The following DNM2 variants were observed in gnomAD, a reference collection of about 807,000 sequenced individuals.
The protein encoded by DNM2 is dynamin 2, also known as dynamin-2.
In DNM2, 15 loss-of-function variants were observed where a neutral mutation model predicts 99.0. The ratio of observed to expected loss-of-function variants is 0.15; its 90% CI spans 0.10 to 0.23. The LOEUF is 0.23. Among genes scored for constraint, DNM2 ranks in the 10% least tolerant of loss-of-function variants. The probability of loss-of-function intolerance (pLI) is 1.00; values close to 1 mark genes in which losing one functional copy is unlikely to be tolerated. For synonymous variants in DNM2, 525 were observed against 481.2 expected, an observed-to-expected ratio of 1.09 and a Z score of -1.19; for missense variants, 742 against 1,189.4, an observed-to-expected ratio of 0.62 and a Z score of 5.53.
At chr19:10,726,390 C>T (rs1048653915) in intron 1 of DNM2, among the ~76,000 whole-genome samples, 1 of 152,034 alleles carries the variant, frequency 6.6e-6, no homozygotes, top group Admixed American at 6.6e-5. Flanking sequence ...AGAGAAGGAA[C>T]TCATCATTAC....
intron 1 of DNM2, among the ~76,000 whole-genome samples, chr19:10,737,089 A>C (rs2069556543): frequency 6.6e-6 from 1 of 152,102 alleles, no homozygotes; most frequent in South Asian, 2.1e-4. Context: ...TTGAGGCTGA[A>C]GTGAGCTGTG....
intron 1 of DNM2, 58 bp downstream of exon 1, chr19:10,718,461 C>T (rs2068824773): frequency 3.8e-6 from 5 of 1,313,804 alleles, no homozygotes; most frequent in East Asian, 3.1e-5. Context: ...GGAGGGCGGA[C>T]CGGGAATGGC....
chr19:10,807,407 T>C (rs2146086741), intron 13 of DNM2, among the ~76,000 whole-genome samples: 1 of 151,878 alleles, frequency 6.6e-6, no homozygotes, highest in African/African-American at 2.4e-5. Flanking sequence ...GCCCAGCTAA[T>C]TTTTTTGTAT....
chr19:10,811,704 C>G lies in DNM2; in HGVS notation c.1558-560C>G, dbSNP rs781563537. 5.8e-6 allele frequency: 3 copies of G among 518,062 alleles called. No individual in the cohort carries two copies. Among genetic ancestry groups the G allele is most frequent in the Non-Finnish European group, 1.2e-5 (3 of 259,580 alleles). 32.1% of individuals were successfully genotyped at this position (518,062 alleles called of 1,614,324 possible). A position where few individuals can be genotyped will look rare whatever the true frequency, so the allele number is the denominator to read the frequency against. On this transcript the variant is annotated intron_variant, in intron 14 of 20. Coordinates refer to ENST00000389253, the MANE Select transcript of DNM2 (RefSeq NM_001005361.3). The surrounding 1 kb of genome is among the most constrained non-coding windows in gnomAD (Gnocchi z 5.4). The stretch of plus-strand genomic sequence containing the variant: ...GCGCAGGCCTGGGTTCTGACCCCCA[C>G]GCAGATGACAGCTACAGCCACACAA...
At chr19:10,753,811 C>T (rs897364086) in intron 1 of DNM2, among the ~76,000 whole-genome samples, 1 of 151,886 alleles carries the variant, frequency 6.6e-6, no homozygotes, top group Non-Finnish European at 1.5e-5. Context: ...CACCCACCAC[C>T]ACGCCTGGCT....
Position 10,764,540 on chromosome 19 carries a change from C to T in DNM2, c.235+4729C>T, listed in dbSNP as rs1237580877. On this transcript the variant is annotated intron_variant, in intron 2 of 20. Coordinates refer to ENST00000389253, the MANE Select transcript of DNM2 (RefSeq NM_001005361.3). The surrounding 1 kb of genome is among the most constrained non-coding windows in gnomAD (Gnocchi z 4.1). ...TAAACTCTGAGTGCCTGGGACTGTT[C>T]CTGTGTGGAATGTGCACAGTGAGGC... Among the ~76,000 whole-genome samples the T allele has an allele frequency of 2.0e-5, 3 of 152,214 alleles. No homozygotes were observed. The highest frequency in any genetic ancestry group is 4.4e-5 in the Non-Finnish European group (3 of 68,032).
At chr19:10,739,589 G>A (rs1033089112) in intron 1 of DNM2, among the ~76,000 whole-genome samples, 3 of 151,910 alleles carry the variant, frequency 2.0e-5, no homozygotes, top group African/African-American at 4.8e-5. Flanking sequence ...GTGCAGTGGC[G>A]CACGCCTGTA....
rs75670806 is a variant in DNM2 at position 10,822,114 on chromosome 19, G to A, written c.1782-1674G>A. Reference sequence around the variant, plus strand: ...GGGCCTGGCCTGTAGACCACCATCTGCAAGCACTGTTTAGCATCCATTCCA... The same window carrying A: ...GGGCCTGGCCTGTAGACCACCATCTACAAGCACTGTTTAGCATCCATTCCA... On this transcript the variant is annotated intron_variant, in intron 16 of 20. Coordinates refer to ENST00000389253, the MANE Select transcript of DNM2 (RefSeq NM_001005361.3). 9.2e-3 allele frequency among the ~76,000 whole-genome samples: 1,402 copies of A among 152,282 alleles called. 14 individuals carry two copies. Among genetic ancestry groups the A allele is most frequent in the African/African-American group, 0.032 (1,348 of 41,544 alleles).
chr19:10,728,387 C>A (rs986457207), intron 1 of DNM2, among the ~76,000 whole-genome samples: 1 of 152,130 alleles, frequency 6.6e-6, no homozygotes, highest in Admixed American at 6.6e-5. Flanking sequence ...GATGTGGGCC[C>A]TCTAGAGCCA....
chr19:10,761,221 T>A (rs1243323734), intron 2 of DNM2, among the ~76,000 whole-genome samples: 1 of 152,066 alleles, frequency 6.6e-6, no homozygotes, highest in Non-Finnish European at 1.5e-5. Context: ...TCTCTTGACC[T>A]CGTGATCCGC....
chr19:10,742,690 A>C (rs891287524), intron 1 of DNM2, among the ~76,000 whole-genome samples: 1 of 151,940 alleles, frequency 6.6e-6, no homozygotes, highest in Non-Finnish European at 1.5e-5. Context: ...GGTGACCGGG[A>C]TGGTGCCTGG....
intron 1 of DNM2, among the ~76,000 whole-genome samples, chr19:10,746,480 A>T (rs940607009): frequency 6.6e-6 from 1 of 150,578 alleles, no homozygotes; most frequent in Non-Finnish European, 1.5e-5. Context: ...CAGGAGTGTA[A>T]TGGTGTGATC....
In DNM2 at chr19:10,791,391, C is replaced by G. The variant is rs528235421; in HGVS notation, c.993-2329C>G. 3.5e-4 allele frequency among the ~76,000 whole-genome samples: 53 copies of G among 152,274 alleles called. No individual in the cohort carries two copies. The South Asian group carries it at 3.7e-3, about 11-fold the overall frequency. ...GAGTGCACCACCATGCCCAGCCCAA[C>G]TCCCCCTTTTTATAAGGACACCAGT... On this transcript the variant is annotated intron_variant, in intron 7 of 20. Coordinates refer to ENST00000389253, the MANE Select transcript of DNM2 (RefSeq NM_001005361.3).
In DNM2 at chr19:10,782,955, C is replaced by A. The variant is rs1271368765; in HGVS notation, c.689-5C>A. Reference sequence around the variant, plus strand: ...TGCCCCTGACCTGACTGCCTCTCCCCACAGGCTACATTGGCGTGGTGAACC... The same window carrying A: ...TGCCCCTGACCTGACTGCCTCTCCCAACAGGCTACATTGGCGTGGTGAACC... On this transcript the variant is annotated splice_region_variant and splice_polypyrimidine_tract_variant and intron_variant, in intron 5 of 20. Transcript: ENST00000389253. The A allele has an allele frequency of 6.2e-7, 1 of 1,614,080 alleles. No homozygotes were observed. Among genetic ancestry groups the A allele is most frequent in the South Asian group, 1.1e-5 (1 of 91,086 alleles).
At chr19:10,771,389 C>T (rs1469196054) in intron 2 of DNM2, among the ~76,000 whole-genome samples, 6 of 152,092 alleles carry the variant, frequency 3.9e-5, no homozygotes, top group Non-Finnish European at 8.8e-5. Context: ...CAGATACCCC[C>T]GGGTCTTATA....
At chr19:10,781,176 C>T (rs556679614) in intron 5 of DNM2, among the ~76,000 whole-genome samples, 8 of 152,092 alleles carry the variant, frequency 5.3e-5, no homozygotes, top group African/African-American at 1.7e-4. Flanking sequence ...GGCAGCAGAG[C>T]GAGACTCCAT....
At chr19:10,799,756 A>G (rs1382209076) in intron 11 of DNM2, among the ~76,000 whole-genome samples, 1 of 150,066 alleles carries the variant, frequency 6.7e-6, no homozygotes, top group African/African-American at 2.5e-5. Context: ...CTGGTCTTGA[A>G]CTCCTGACCT....
intron 8 of DNM2, among the ~76,000 whole-genome samples, chr19:10,794,801 G>A (rs2071878848): frequency 6.6e-6 from 1 of 152,112 alleles, no homozygotes. Context: ...GTGTGGTGGT[G>A]CATACTGATA....
At chr19:10,724,041 G>A (rs911731658) in intron 1 of DNM2, among the ~76,000 whole-genome samples, 2 of 150,832 alleles carry the variant, frequency 1.3e-5, no homozygotes, top group South Asian at 2.1e-4. Flanking sequence ...CTCTGATCAC[G>A]CTACTGCCTT....
Sources: gnomAD v4.1 joint callset for allele counts (sites outside exome capture counted in the v4.1 genomes callset) on GRCh38, gnomAD v4.1.1 for gene constraint, Gnocchi (gnomAD v3.1) non-coding constraint, MANE v1.5 for transcripts, NCBI Gene and HGNC (gene_info 2026-07-23, HGNC 2026-07-21) for gene names.